The following ZNF385D variants were observed in gnomAD, a reference collection of about 807,000 sequenced individuals.
ZNF385D encodes the protein zinc finger protein 659.
In ZNF385D, 15 loss-of-function variants were observed where a neutral mutation model predicts 35.8. The observed-to-expected ratio is 0.42, with a 90% confidence interval of 0.28 to 0.64. The LOEUF is 0.64. Among genes scored for constraint, ZNF385D ranks in the 30% least tolerant of loss-of-function variants. ZNF385D has a pLI of 0.23. For missense variants in ZNF385D, 474 were observed against 494.6 expected, an observed-to-expected ratio of 0.96 and a Z score of 0.39; for synonymous variants, 212 against 186.8, an observed-to-expected ratio of 1.13 and a Z score of -1.10.
intron 1 of ZNF385D, among the ~76,000 whole-genome samples, chr3:21,742,184 AC>A (rs2069547774): frequency 6.6e-6 from 1 of 152,206 alleles, no homozygotes; most frequent in South Asian, 2.1e-4. Context: ...TCACTGTCAG[AC>A]TTTTCAACTG....
intron 4 of ZNF385D, among the ~76,000 whole-genome samples, chr3:21,480,343 T>C (rs1245493215): frequency 6.6e-6 from 1 of 152,072 alleles, no homozygotes; most frequent in Non-Finnish European, 1.5e-5. Context: ...CCTCAGGTTA[T>C]CCATTCGCTT....
chr3:21,739,673 G>C (rs1292177473), intron 1 of ZNF385D, among the ~76,000 whole-genome samples: 1 of 152,176 alleles, frequency 6.6e-6, no homozygotes, highest in Non-Finnish European at 1.5e-5. Flanking sequence ...ATCATAACAA[G>C]GGCAGGAGAT....
intron 4 of ZNF385D, among the ~76,000 whole-genome samples, chr3:21,471,293 T>TCACA (rs1488202080): frequency 2.3e-4 from 7 of 30,024 alleles, no homozygotes; most frequent in African/African-American, 3.3e-4. Flanking sequence ...TCTCTCTCTC[T>TCACA]CTCACACACA....
At chr3:22,012,278 T>C (rs916805724) in intron 3 of ZNF385D, among the ~76,000 whole-genome samples, 1 of 152,196 alleles carries the variant, frequency 6.6e-6, no homozygotes, top group African/African-American at 2.4e-5. Context: ...TTGAAATACG[T>C]AGCTCTTTTT....
chr3:22,142,264 C>G (rs983366854), intron 3 of ZNF385D, among the ~76,000 whole-genome samples: 3 of 152,088 alleles, frequency 2.0e-5, no homozygotes, highest in African/African-American at 4.8e-5. Context: ...TCTTTACCAG[C>G]TTTTTACTAG....
chr3:21,916,563 G>A (rs1294507628), intron 3 of ZNF385D, among the ~76,000 whole-genome samples: 2 of 152,080 alleles, frequency 1.3e-5, no homozygotes, highest in African/African-American at 2.4e-5. Context: ...GTATATAGTC[G>A]ATTACATATG....
chr3:21,428,419 A>G (rs111233674), intron 5 of ZNF385D, among the ~76,000 whole-genome samples: 3,315 of 152,066 alleles, frequency 0.022, 118 homozygotes, highest in African/African-American at 0.077. Flanking sequence ...AAGAAAGGAG[A>G]TTTCTAGCTA....
At chr3:21,949,400 T>C (rs1022156103) in intron 3 of ZNF385D, among the ~76,000 whole-genome samples, 2 of 152,008 alleles carry the variant, frequency 1.3e-5, no homozygotes, top group Non-Finnish European at 2.9e-5. Context: ...TCGGTTGGGG[T>C]GGCTATCTTT....
intron 2 of ZNF385D, among the ~76,000 whole-genome samples, chr3:22,291,389 A>G (rs62247261): frequency 1.3e-5 from 2 of 152,070 alleles, no homozygotes; most frequent in African/African-American, 4.8e-5. Flanking sequence ...TGAGTCCTAC[A>G]TATTTATTTA....
At chr3:21,815,888 T>G (rs1236037235) in intron 3 of ZNF385D, among the ~76,000 whole-genome samples, 2 of 152,098 alleles carry the variant, frequency 1.3e-5, no homozygotes, top group Non-Finnish European at 2.9e-5. Context: ...AAAAAGAGAA[T>G]TTTAGACCAA....
chr3:21,437,253 T>A, intron 4 of ZNF385D, 50 bp from the exon 5 acceptor site: 4 of 1,517,292 alleles, frequency 2.6e-6, no homozygotes, highest in Non-Finnish European at 3.6e-6. Context: ...TGGTATTATC[T>A]TTCCCTATTC....
rs145019923 is a variant in ZNF385D, at chr3:21,432,272, C to A, written c.673+4698G>T. ...TCAACAAATTTTAATCAATCTTATC[C>A]TTCTTTTTTACATTGTTGCTTTTGT... On this transcript the variant is annotated intron_variant, in intron 5 of 7. Transcript: ENST00000281523. Among the ~76,000 whole-genome samples, 54 of 142,720 alleles carry A rather than the reference C, an allele frequency of 3.8e-4. No homozygotes were observed. The East Asian group carries it at 6.7e-3, about 18-fold the overall frequency. The allele number at this position is 142,720 out of a possible 152,430, so 93.6% of individuals were successfully genotyped here.
chr3:22,171,968 G>A (rs1278063820), intron 2 of ZNF385D, among the ~76,000 whole-genome samples: 6 of 151,294 alleles, frequency 4.0e-5, no homozygotes, highest in African/African-American at 9.7e-5. Context: ...GGCAATATTC[G>A]TAAGCAATTT....
At chr3:21,494,194 T>C (rs1464595544) in intron 4 of ZNF385D, among the ~76,000 whole-genome samples, 1 of 152,168 alleles carries the variant, frequency 6.6e-6, no homozygotes, top group Admixed American at 6.5e-5. Context: ...ATAGCATGAT[T>C]TTTATTAACA....
At chr3:21,964,535 G>C (rs978375798) in intron 3 of ZNF385D, among the ~76,000 whole-genome samples, 10 of 126,092 alleles carry the variant, frequency 7.9e-5, no homozygotes, top group African/African-American at 3.1e-4. Context: ...TGTCGCCCAG[G>C]CTGGTGTGCA....
rs143687097 is a variant in ZNF385D at position 21,487,504 on chromosome 3, G to A, written c.439+23357C>T. Among the ~76,000 whole-genome samples the A allele has an allele frequency of 1.5e-3, 222 of 152,070 alleles. 1 individual carries two copies. Among genetic ancestry groups the A allele is most frequent in the African/African-American group, 5.1e-3 (210 of 41,500 alleles). On this transcript the variant is annotated intron_variant, in intron 4 of 7. Transcript: ENST00000281523. ...TAATAACACTATAATCTTCCTCATT[G>A]TCAATCCTATGTATTTACTGATGCT...
chr3:22,018,223 T>A (rs936776930), intron 3 of ZNF385D, among the ~76,000 whole-genome samples: 1 of 151,038 alleles, frequency 6.6e-6, no homozygotes, highest in African/African-American at 2.4e-5. Context: ...AATATGACTG[T>A]CTAAGAGGGA....
chr3:22,203,576 C>T (rs944370997), intron 2 of ZNF385D, among the ~76,000 whole-genome samples: 2 of 152,110 alleles, frequency 1.3e-5, no homozygotes, highest in South Asian at 2.1e-4. Flanking sequence ...TAGGCCTTGG[C>T]TCTTGGATGG....
chr3:22,226,638 T>C (rs1698572901), intron 2 of ZNF385D, among the ~76,000 whole-genome samples: 1 of 152,338 alleles, frequency 6.6e-6, no homozygotes, highest in Admixed American at 6.5e-5. Context: ...TGCTTTGCTA[T>C]GATATTCTTT....
Sources: allele counts gnomAD v4.1 joint callset (sites outside exome capture counted in the v4.1 genomes callset), GRCh38; gene constraint gnomAD v4.1.1; transcripts MANE v1.5; gene names NCBI Gene and HGNC (gene_info 2026-07-23, HGNC 2026-07-21).